Variants in PACRG observed in about 807,000 individuals in gnomAD.
PACRG encodes the protein parkin coregulated gene protein.
In PACRG, 29 loss-of-function variants were observed where a neutral mutation model predicts 29.7. The ratio of observed to expected loss-of-function variants is 0.98; its 90% CI spans 0.73 to 1.33. PACRG has a LOEUF of 1.33. Ranked by LOEUF, PACRG falls within the 40% of genes most tolerant of loss-of-function variation. The pLI is 0.00. For missense variants in PACRG, 279 were observed against 316.2 expected (o/e 0.88, Z 0.89); for synonymous variants, 116 against 118.7 (o/e 0.98, Z 0.15).
At chr6:162,783,948 A>G (rs983503858) in intron 1 of PACRG, among the ~76,000 whole-genome samples, 1 of 152,122 alleles carries the variant, frequency 6.6e-6, no homozygotes, top group African/African-American at 2.4e-5. Context: ...CTATCTTTTC[A>G]TATACCTTGT....
chr6:163,152,339 C>T (rs1367148306), intron 4 of PACRG, among the ~76,000 whole-genome samples: 3 of 152,146 alleles, frequency 2.0e-5, no homozygotes, highest in Non-Finnish European at 2.9e-5. Context: ...AAACTTCTCT[C>T]GAAATCCTGT....
At chr6:163,004,809 A>T (rs949627328) in intron 2 of PACRG, among the ~76,000 whole-genome samples, 1 of 151,430 alleles carries the variant, frequency 6.6e-6, no homozygotes, top group Non-Finnish European at 1.5e-5. Flanking sequence ...TAATGAAAAT[A>T]CTTATTTGTT....
intron 4 of PACRG, among the ~76,000 whole-genome samples, chr6:163,111,419 A>G (rs1345181206): frequency 1.3e-5 from 2 of 152,278 alleles, no homozygotes; most frequent in Non-Finnish European, 2.9e-5. Context: ...ACTTTTATGC[A>G]TAATGAGGCA....
intron 2 of PACRG, among the ~76,000 whole-genome samples, chr6:162,995,445 G>T (rs1030305267): frequency 2.6e-5 from 4 of 152,120 alleles, no homozygotes; most frequent in African/African-American, 7.2e-5. Context: ...GTCTCGTGGT[G>T]CGCCGTTTTT....
At chr6:162,947,318 T>TGTG (rs1467512071) in intron 2 of PACRG, among the ~76,000 whole-genome samples, 7 of 118,534 alleles carry the variant, frequency 5.9e-5, no homozygotes, top group Non-Finnish European at 6.8e-5. Flanking sequence ...TATAATCATA[T>TGTG]ATAATACATA....
Position 163,020,259 on chromosome 6 carries a change from A to G in PACRG, c.292-41891A>G, listed in dbSNP as rs73591711. Reference sequence around the variant, plus strand: ...ACAACTTGTATATGAATGTGAGAGTATTTCTAATGTGAATACACCGGTCAC... The same window carrying G: ...ACAACTTGTATATGAATGTGAGAGTGTTTCTAATGTGAATACACCGGTCAC... On this transcript the variant is annotated intron_variant, in intron 2 of 4. Coordinates refer to ENST00000366888, the MANE Select transcript of PACRG (RefSeq NM_001080379.2). Among the ~76,000 whole-genome samples the G allele has an allele frequency of 4.4e-3, 666 of 152,344 alleles. 5 individuals are homozygous for G. The highest frequency in any genetic ancestry group is 0.015 in the African/African-American group (641 of 41,584).
chr6:163,298,938 C>T (rs970148970), intron 4 of PACRG, among the ~76,000 whole-genome samples: 1 of 152,206 alleles, frequency 6.6e-6, no homozygotes, highest in Non-Finnish European at 1.5e-5. Flanking sequence ...TCTGGATCAT[C>T]GTGCCTGTAG....
chr6:163,277,571 T>A (rs536659782), intron 4 of PACRG, among the ~76,000 whole-genome samples: 1 of 148,740 alleles, frequency 6.7e-6, no homozygotes, highest in African/African-American at 2.5e-5. Flanking sequence ...GTCTATTTTG[T>A]CTATATATGT....
At chr6:163,207,187 T>C (rs1270150826) in intron 4 of PACRG, among the ~76,000 whole-genome samples, 2 of 152,206 alleles carry the variant, frequency 1.3e-5, no homozygotes, top group African/African-American at 4.8e-5. Flanking sequence ...GTCCCAGTGG[T>C]ATTTATCTCT....
chr6:162,820,717 A>C (rs1787770407), intron 2 of PACRG, among the ~76,000 whole-genome samples: 1 of 152,180 alleles, frequency 6.6e-6, no homozygotes, highest in African/African-American at 2.4e-5. Flanking sequence ...TTGTAGGCAA[A>C]TTTATTTGAG....
chr6:162,933,891 A>G (rs1798047593), intron 2 of PACRG, among the ~76,000 whole-genome samples: 1 of 152,132 alleles, frequency 6.6e-6, no homozygotes, highest in Non-Finnish European at 1.5e-5. Context: ...GAGATTACAT[A>G]GTGAGAGGGG....
intron 4 of PACRG, among the ~76,000 whole-genome samples, chr6:163,230,172 G>A (rs1210721056): frequency 6.6e-6 from 1 of 152,124 alleles, no homozygotes; most frequent in African/African-American, 2.4e-5. Flanking sequence ...TTTTTAAAGA[G>A]CTTAGCAAAT....
Position 162,803,307 on chromosome 6 carries a change from G to A in PACRG, c.157-10840G>A, listed in dbSNP as rs555509454. The stretch of plus-strand genomic sequence containing the variant: ...GGAGGAGCAGGATATATTTGAGACT[G>A]CCAGCATTTTGGTGTGACTAATGCT... On this transcript the variant is annotated intron_variant, in intron 1 of 4. Transcript: ENST00000366888. Among the ~76,000 whole-genome samples, 37 of 152,278 alleles carry A rather than the reference G, an allele frequency of 2.4e-4. 1 individual carries two copies. The South Asian group carries it at 5.0e-3, about 20-fold the overall frequency.
At chr6:163,217,354 G>C (rs1487292205) in intron 4 of PACRG, among the ~76,000 whole-genome samples, 1 of 152,260 alleles carries the variant, frequency 6.6e-6, no homozygotes, top group African/African-American at 2.4e-5. Context: ...GCATACGCCA[G>C]TCCCTGGACA....
intron 2 of PACRG, among the ~76,000 whole-genome samples, chr6:162,816,371 G>A (rs1787338664): frequency 6.6e-6 from 1 of 151,988 alleles, no homozygotes; most frequent in African/African-American, 2.4e-5. Context: ...TTTATTTTTT[G>A]AGACGGAGTC....
intron 3 of PACRG, among the ~76,000 whole-genome samples, chr6:163,072,740 A>G (rs1264234814): frequency 2.0e-5 from 3 of 152,162 alleles, no homozygotes; most frequent in East Asian, 3.8e-4. Context: ...TATTAGACCT[A>G]ATAAACAAAT....
intron 1 of PACRG, among the ~76,000 whole-genome samples, chr6:162,786,443 T>C (rs1175141145): frequency 6.6e-6 from 1 of 152,190 alleles, no homozygotes; most frequent in Non-Finnish European, 1.5e-5. Flanking sequence ...TTGTAGCCAA[T>C]AGAACATGTG....
intron 4 of PACRG, among the ~76,000 whole-genome samples, chr6:163,120,058 T>C (rs2128324104): frequency 6.6e-6 from 1 of 152,298 alleles, no homozygotes; most frequent in Middle Eastern, 3.4e-3. Context: ...AATAATACAT[T>C]CCTTTTTTAT....
At chr6:163,191,819 C>A (rs1204309128) in intron 4 of PACRG, 1 of 454,296 alleles carries the variant, frequency 2.2e-6, no homozygotes, top group African/African-American at 2.0e-5. Flanking sequence ...TTTCTCTAAA[C>A]CCTGTAACAC....
Sources: allele counts gnomAD v4.1 joint callset (sites outside exome capture counted in the v4.1 genomes callset), GRCh38; gene constraint gnomAD v4.1.1; transcripts MANE v1.5; gene names NCBI Gene and HGNC (gene_info 2026-07-23, HGNC 2026-07-21).